Variants in SEL1L3 observed in about 807,000 individuals in gnomAD.
SEL1L3 encodes the protein protein sel-1 homolog 3.
SEL1L3 carries 76 observed loss-of-function variants against 142.8 expected under a neutral mutation model. The observed-to-expected ratio is 0.53, with a 90% confidence interval of 0.44 to 0.64. The LOEUF (loss-of-function observed/expected upper bound fraction) is 0.64. Ranked by LOEUF, SEL1L3 falls within the 30% of genes least tolerant of loss-of-function variation. The pLI, the probability that SEL1L3 is intolerant of heterozygous loss-of-function variation, is 0.00. For missense variants in SEL1L3, 1,262 were observed against 1,381.7 expected (o/e 0.91, Z 1.37); for synonymous variants, 504 against 519.6 (o/e 0.97, Z 0.41).
the SEL1L3 span, among the ~76,000 whole-genome samples, chr4:25,716,492 C>T: frequency 6.6e-6 from 1 of 152,056 alleles, no homozygotes; most frequent in Non-Finnish European, 1.5e-5. Flanking sequence ...AGTAATTGCA[C>T]TTTTGGGTAC....
chr4:25,829,453 A>G (rs1270811105), intron 6 of SEL1L3, among the ~76,000 whole-genome samples: 3 of 152,252 alleles, frequency 2.0e-5, no homozygotes, highest in Non-Finnish European at 4.4e-5. Context: ...GACCACCTAT[A>G]TACATATATT....
In SEL1L3 at chr4:25,825,497, C is replaced by T. The variant is rs1007711522; in HGVS notation, c.1158-3369G>A. Among the ~76,000 whole-genome samples, 4 of 152,136 alleles carry T rather than the reference C, an allele frequency of 2.6e-5. No individual in the cohort carries two copies. In the South Asian group the frequency reaches 8.3e-4, roughly 32 times the overall value. On this transcript the variant is annotated intron_variant, in intron 6 of 23. Coordinates refer to ENST00000399878, the MANE Select transcript of SEL1L3 (RefSeq NM_015187.5). ...TTTATTACCGCAGAGCACCAGAAGCCTGAAAGAATCACCGACGTTGTGAAA... is the reference window on the plus strand; with the variant it reads ...TTTATTACCGCAGAGCACCAGAAGCTTGAAAGAATCACCGACGTTGTGAAA...
chr4:25,764,225 A>G (rs1257981368), intron 20 of SEL1L3, among the ~76,000 whole-genome samples: 7 of 152,222 alleles, frequency 4.6e-5, no homozygotes, highest in Non-Finnish European at 1.0e-4. Flanking sequence ...GAAGATGAGA[A>G]AAGACTGAGG....
At chr4:25,802,188 G>T in intron 11 of SEL1L3, 95 bp downstream of exon 11, 3 of 1,124,784 alleles carry the variant, frequency 2.7e-6, no homozygotes, top group Non-Finnish European at 2.5e-6. Flanking sequence ...TTCAACCTCT[G>T]AAGGCCAACT....
chr4:25,844,003 T>C (rs1716343861), intron 2 of SEL1L3, among the ~76,000 whole-genome samples: 1 of 152,144 alleles, frequency 6.6e-6, no homozygotes, highest in Non-Finnish European at 1.5e-5. Context: ...TGAAAGCAAG[T>C]CAGGGAGTAC....
At chr4:25,805,232 A>T (rs1163899111) in intron 9 of SEL1L3, among the ~76,000 whole-genome samples, 1 of 152,234 alleles carries the variant, frequency 6.6e-6, no homozygotes. Flanking sequence ...TGGGTCTCCA[A>T]ATAAAAAGAA....
At chr4:25,715,481 C>A in the SEL1L3 span, among the ~76,000 whole-genome samples, 1 of 152,088 alleles carries the variant, frequency 6.6e-6, no homozygotes, top group East Asian at 1.9e-4. Context: ...CTGTGGGGAG[C>A]AAATTTTTAC....
intron 20 of SEL1L3, among the ~76,000 whole-genome samples, chr4:25,761,787 A>G (rs1718393804): frequency 6.6e-6 from 1 of 152,252 alleles, no homozygotes; most frequent in Admixed American, 6.5e-5. Context: ...ACATATCATT[A>G]TTCAATTAGC....
At chr4:25,777,412 TCA>T (rs773697600) in intron 16 of SEL1L3, among the ~76,000 whole-genome samples, 1 of 152,130 alleles carries the variant, frequency 6.6e-6, no homozygotes, top group East Asian at 1.9e-4. Context: ...TATACTTCTT[TCA>T]GTAACTGAAC....
chr4:25,803,795 TG>T (rs1221063580), intron 10 of SEL1L3, among the ~76,000 whole-genome samples: 2 of 151,840 alleles, frequency 1.3e-5, no homozygotes, highest in South Asian at 2.1e-4. Flanking sequence ...TTTTTTTTGT[TG>T]TTGTTTTGGT....
chr4:25,777,897 A>G (rs1221016520), intron 16 of SEL1L3: 1 of 455,982 alleles, frequency 2.2e-6, no homozygotes, highest in East Asian at 6.9e-5. Flanking sequence ...TTTTTCTGTA[A>G]AGAGCAGGAT....
At chr4:25,755,561 T>A (rs1426089098) in intron 23 of SEL1L3, among the ~76,000 whole-genome samples, 2 of 152,148 alleles carry the variant, frequency 1.3e-5, no homozygotes, top group African/African-American at 4.8e-5. Context: ...AGGTATGTGC[T>A]GGAGAAAGCA....
chr4:25,826,447 T>C (rs1176030371), intron 6 of SEL1L3, among the ~76,000 whole-genome samples: 2 of 152,194 alleles, frequency 1.3e-5, no homozygotes, highest in Non-Finnish European at 2.9e-5. Flanking sequence ...ATCTGATGTT[T>C]AGTTCACTGA....
intron 12 of SEL1L3, among the ~76,000 whole-genome samples, chr4:25,789,459 C>A (rs944093662): frequency 2.0e-5 from 3 of 151,924 alleles, no homozygotes; most frequent in Non-Finnish European, 4.4e-5. Flanking sequence ...GTGGCACATG[C>A]CTATAGTTCC....
intron 1 of SEL1L3, chr4:25,861,881 G>C (rs1355583779): frequency 6.6e-6 from 1 of 152,096 alleles, no homozygotes; most frequent in Non-Finnish European, 1.5e-5. Flanking sequence ...ACTTTGTTCT[G>C]AGGGGTCTCA....
At position 25,795,104 on chromosome 4, in the gene SEL1L3, G is replaced by A. The variant is rs545047214; in HGVS notation, c.1957-4530C>T. ...CAGGAAAAATAGTGAATGTATGCTG[G>A]CTTAATACTTAGATGATGAGTTGAT... On this transcript the variant is annotated intron_variant, in intron 11 of 23. Coordinates refer to ENST00000399878, the MANE Select transcript of SEL1L3 (RefSeq NM_015187.5). Among the ~76,000 whole-genome samples the A allele has an allele frequency of 2.0e-4, 31 of 152,232 alleles. 1 individual carries two copies. The South Asian group carries it at 5.4e-3, about 27-fold the overall frequency.
intron 12 of SEL1L3, 55 bp downstream of exon 12, chr4:25,790,400 T>C: frequency 6.4e-7 from 1 of 1,571,364 alleles, no homozygotes; most frequent in Non-Finnish European, 8.8e-7. Context: ...TACCACGGTA[T>C]AACCCAGTCT....
At chr4:25,785,787 T>C (rs1461032207) in intron 13 of SEL1L3, among the ~76,000 whole-genome samples, 2 of 152,168 alleles carry the variant, frequency 1.3e-5, no homozygotes, top group East Asian at 3.9e-4. Context: ...CACTGAACGT[T>C]AGCGCCTGGT....
the SEL1L3 span, among the ~76,000 whole-genome samples, chr4:25,724,983 T>G: frequency 6.6e-6 from 1 of 151,952 alleles, no homozygotes; most frequent in Non-Finnish European, 1.5e-5. Context: ...TGAGTCCCAC[T>G]GAACAGCAGT....
Sources: allele counts gnomAD v4.1 joint callset (sites outside exome capture counted in the v4.1 genomes callset), GRCh38; gene constraint gnomAD v4.1.1; transcripts MANE v1.5; gene names NCBI Gene and HGNC (gene_info 2026-07-23, HGNC 2026-07-21).